ZRANB3: variants seen among roughly 807,000 people sequenced by gnomAD.
ZRANB3 encodes zinc finger RANBP2-type containing 3.
Under a neutral mutation model 133.8 loss-of-function variants are expected in ZRANB3, and 125 were observed. The observed-to-expected ratio is 0.93, with a 90% CI of 0.81 to 1.08. The LOEUF (loss-of-function observed/expected upper bound fraction) is 1.08, where lower values mean the gene tolerates loss of function less well. ZRANB3 is among the 50% of genes least tolerant of loss of function. The probability of loss-of-function intolerance (pLI) is 0.00; values close to 1 mark genes in which losing one functional copy is unlikely to be tolerated. For synonymous variants in ZRANB3, 387 were observed against 432.7 expected (o/e 0.89, Z 1.31); for missense variants, 1,229 against 1,275.5 (o/e 0.96, Z 0.56).
intron 2 of ZRANB3, among the ~76,000 whole-genome samples, chr2:135,496,675 A>G (rs1692687966): frequency 6.6e-6 from 1 of 152,202 alleles, no homozygotes; most frequent in East Asian, 1.9e-4. Context: ...AGTTAAAAAT[A>G]TACTTTCTGA....
intron 2 of ZRANB3, among the ~76,000 whole-genome samples, chr2:135,493,426 T>TA (rs1042004995): frequency 6.6e-6 from 1 of 151,000 alleles, no homozygotes; most frequent in African/African-American, 2.4e-5. Context: ...ATCTAGAATA[T>TA]AAAAAGAACT....
intron 3 of ZRANB3, among the ~76,000 whole-genome samples, chr2:135,382,144 T>C (rs1686734855): frequency 6.6e-6 from 1 of 152,106 alleles, no homozygotes; most frequent in Admixed American, 6.6e-5. Flanking sequence ...AGAGAAGTCC[T>C]TAAAGGACCT....
At chr2:135,426,552 G>A (rs531127516) in intron 2 of ZRANB3, among the ~76,000 whole-genome samples, 9 of 151,860 alleles carry the variant, frequency 5.9e-5, no homozygotes, top group African/African-American at 1.2e-4. Context: ...CAAATTGGCC[G>A]GGCACGGTGG....
intron 3 of ZRANB3, among the ~76,000 whole-genome samples, chr2:135,380,893 G>C (rs1285554332): frequency 1.3e-5 from 2 of 152,090 alleles, no homozygotes; most frequent in Non-Finnish European, 2.9e-5. Context: ...GGCCAAATAG[G>C]AACAGCTCCA....
chr2:135,237,805 G>A (rs532600815), intron 12 of ZRANB3, among the ~76,000 whole-genome samples: 2 of 152,068 alleles, frequency 1.3e-5, no homozygotes, highest in South Asian at 2.1e-4. Context: ...GTGGGGGAAG[G>A]GGGGAGGGAT....
At position 135,208,993 on chromosome 2, in the gene ZRANB3, T is replaced by A. The variant is rs757902241; in HGVS notation, c.2496-15A>T. 5 of 1,605,288 alleles carry A rather than the reference T, an allele frequency of 3.1e-6. No homozygotes were observed. The African/African-American group carries it at 5.3e-5, about 17-fold the overall frequency. On this transcript the variant is annotated splice_polypyrimidine_tract_variant and intron_variant, in intron 17 of 20. Coordinates refer to ENST00000264159, the MANE Select transcript of ZRANB3 (RefSeq NM_032143.4). ...TGGTTATGTATCTAAAACAATGATA[T>A]GTTAAATAGATTCCCTCTATCTCAT...
chr2:135,216,269 A>T (rs1446235656), intron 17 of ZRANB3, among the ~76,000 whole-genome samples: 1 of 151,806 alleles, frequency 6.6e-6, no homozygotes, highest in Non-Finnish European at 1.5e-5. Context: ...CTCCCCTCCA[A>T]CCCCCTGGAT....
intron 2 of ZRANB3, among the ~76,000 whole-genome samples, chr2:135,448,016 G>A (rs577474650): frequency 6.6e-6 from 1 of 152,168 alleles, no homozygotes; most frequent in African/African-American, 2.4e-5. Context: ...AGTTGCCATA[G>A]TTTTGCCTCC....
chr2:135,222,777 A>G lies in ZRANB3; in HGVS notation c.2250+1649T>C, dbSNP rs576311622. 1.9e-4 allele frequency among the ~76,000 whole-genome samples: 29 copies of G among 152,178 alleles called. No individual in the cohort carries two copies. The South Asian group carries it at 6.0e-3, about 32-fold the overall frequency. On this transcript the variant is annotated intron_variant, in intron 15 of 20. Coordinates refer to ENST00000264159, the MANE Select transcript of ZRANB3 (RefSeq NM_032143.4). The stretch of plus-strand genomic sequence containing the variant: ...AAAAATGTTATTTTTATATATATAT[A>G]ATGGGTTTGTTTCTCTTAAAATATG...
chr2:135,273,474 GAAA>G (rs1262296188), intron 9 of ZRANB3, among the ~76,000 whole-genome samples: 2 of 151,014 alleles, frequency 1.3e-5, no homozygotes, highest in Non-Finnish European at 2.9e-5. Context: ...TCTTTCTAAA[GAAA>G]ATACATTGTC....
chr2:135,478,033 C>A (rs1442075151), intron 2 of ZRANB3, among the ~76,000 whole-genome samples: 1 of 152,008 alleles, frequency 6.6e-6, no homozygotes, highest in Non-Finnish European at 1.5e-5. Flanking sequence ...ACAGTTCAGT[C>A]TGGAAACACA....
intron 8 of ZRANB3, among the ~76,000 whole-genome samples, chr2:135,310,993 C>T (rs752266778): frequency 2.0e-5 from 3 of 150,542 alleles, no homozygotes; most frequent in South Asian, 2.1e-4. Context: ...AATTGATATA[C>T]TAGATTGTTT....
intron 2 of ZRANB3, among the ~76,000 whole-genome samples, chr2:135,409,732 A>G (rs1688218597): frequency 6.6e-6 from 1 of 152,124 alleles, no homozygotes; most frequent in Non-Finnish European, 1.5e-5. Flanking sequence ...AACCCTAAAG[A>G]TCCTTCCAAA....
chr2:135,335,259 A>T (rs548463955), intron 6 of ZRANB3, among the ~76,000 whole-genome samples: 2 of 152,272 alleles, frequency 1.3e-5, no homozygotes, highest in South Asian at 4.1e-4. Flanking sequence ...CATTTTAAAA[A>T]TTGATGAATT....
rs766003774 is a variant in ZRANB3 at position 135,390,825 on chromosome 2, A to G, written c.162-5T>C. 50 of 218,318 alleles carry G rather than the reference A, an allele frequency of 2.3e-4. No individual in the cohort carries two copies. The highest frequency in any genetic ancestry group is 3.1e-4 in the Non-Finnish European group (43 of 140,828). 13.5% of individuals were successfully genotyped at this position (218,318 alleles called of 1,614,324 possible). A position where few individuals can be genotyped will look rare whatever the true frequency, so the allele number is the denominator to read the frequency against. ...ACTTCATCAGCCACCATACACCTGG[A>G]AAAAAAAAAAAAAAAAAATTAATTA... is the stretch of plus-strand genomic sequence containing the variant. On this transcript the variant is annotated splice_region_variant and splice_polypyrimidine_tract_variant and intron_variant, in intron 2 of 20. Coordinates refer to ENST00000264159, the MANE Select transcript of ZRANB3 (RefSeq NM_032143.4).
At chr2:135,319,712 T>A (rs1020257518) in intron 6 of ZRANB3, among the ~76,000 whole-genome samples, 7 of 152,278 alleles carry the variant, frequency 4.6e-5, no homozygotes, top group African/African-American at 1.7e-4. Context: ...ACTCACCCAT[T>A]ACCAGGATTA....
chr2:135,359,445 G>A (rs1181798414), intron 3 of ZRANB3, among the ~76,000 whole-genome samples: 1 of 151,886 alleles, frequency 6.6e-6, no homozygotes. Flanking sequence ...ATCCCCAGGT[G>A]TGGTGGCATG....
chr2:135,274,181 T>C (rs1048373111), intron 9 of ZRANB3, among the ~76,000 whole-genome samples: 4 of 152,180 alleles, frequency 2.6e-5, no homozygotes, highest in Non-Finnish European at 5.9e-5. Flanking sequence ...GTTTAAACAA[T>C]GTATACTAAG....
At chr2:135,297,863 G>T (rs1370247581) in intron 8 of ZRANB3, among the ~76,000 whole-genome samples, 2 of 152,098 alleles carry the variant, frequency 1.3e-5, no homozygotes, top group African/African-American at 2.4e-5. Context: ...TTTATTTCCA[G>T]AAGTTATGAT....
Sources: gnomAD v4.1 joint callset for allele counts (sites outside exome capture counted in the v4.1 genomes callset) on GRCh38, gnomAD v4.1.1 for gene constraint, MANE v1.5 for transcripts, NCBI Gene and HGNC (gene_info 2026-07-23, HGNC 2026-07-21) for gene names.